The following CTNNA2 variants were observed in gnomAD, a reference collection of about 807,000 sequenced individuals.
The protein encoded by CTNNA2 is catenin alpha-2.
CTNNA2 carries 42 observed loss-of-function variants against 101.0 expected under a neutral mutation model. That is an observed-to-expected ratio of 0.42 (90% CI 0.32 to 0.54). CTNNA2 has a LOEUF of 0.54. Ranked by LOEUF, CTNNA2 falls within the 20% of genes least tolerant of loss-of-function variation. The pLI, the probability that CTNNA2 is intolerant of heterozygous loss-of-function variation, is 0.14. For synonymous variants in CTNNA2, 450 were observed against 456.4 expected, an observed-to-expected ratio of 0.99 and a Z score of 0.18; for missense variants, 871 against 1,223.1, an observed-to-expected ratio of 0.71 and a Z score of 4.29.
chr2:79,838,606 C>T (rs1012196103), intron 3 of CTNNA2, among the ~76,000 whole-genome samples: 1 of 152,034 alleles, frequency 6.6e-6, no homozygotes, highest in Non-Finnish European at 1.5e-5. Flanking sequence ...ACTAATTTGA[C>T]AGCTTTAACT....
intron 12 of CTNNA2, among the ~76,000 whole-genome samples, chr2:80,564,506 A>G (rs1010733912): frequency 1.7e-5 from 2 of 118,010 alleles, no homozygotes; most frequent in African/African-American, 7.4e-5. Flanking sequence ...TGGAATTTAG[A>G]GAGTTTTTTT....
chr2:79,670,369 C>A (rs1451959598), intron 2 of CTNNA2, among the ~76,000 whole-genome samples: 1 of 152,142 alleles, frequency 6.6e-6, no homozygotes, highest in Middle Eastern at 3.2e-3. Context: ...CTGGGTAGGG[C>A]TCCTGACTGC....
At chr2:80,097,712 T>C (rs979642819) in intron 7 of CTNNA2, among the ~76,000 whole-genome samples, 2 of 152,212 alleles carry the variant, frequency 1.3e-5, no homozygotes, top group African/African-American at 4.8e-5. Context: ...TTTCTTTTTA[T>C]TGTTTTTTCT....
intron 4 of CTNNA2, among the ~76,000 whole-genome samples, chr2:79,861,395 T>C (rs192045489): frequency 1.7e-4 from 26 of 152,336 alleles, no homozygotes; most frequent in African/African-American, 6.3e-4. Context: ...TGTTTTTTCA[T>C]CAGCAGTTCG....
At position 79,864,847 on chromosome 2, in the gene CTNNA2, T is replaced by G. The variant is rs376441881; in HGVS notation, c.466-4969T>G. ...TACTTGCTGTGAGACTTCTGACAGGTTATACAACTCCTCTCCTCCGATTTC... is the reference window on the plus strand; with the variant it reads ...TACTTGCTGTGAGACTTCTGACAGGGTATACAACTCCTCTCCTCCGATTTC... On this transcript the variant is annotated intron_variant, in intron 4 of 18. Coordinates refer to ENST00000402739, the MANE Select transcript of CTNNA2 (RefSeq NM_001282597.3). 1.5e-3 allele frequency among the ~76,000 whole-genome samples: 235 copies of G among 152,270 alleles called. 2 individuals carry two copies. The highest frequency in any genetic ancestry group is 5.3e-3 in the African/African-American group (220 of 41,548).
At chr2:80,410,622 T>G (rs1193953745) in intron 8 of CTNNA2, among the ~76,000 whole-genome samples, 1 of 152,208 alleles carries the variant, frequency 6.6e-6, no homozygotes, top group East Asian at 1.9e-4. Context: ...AACTATGCCT[T>G]TCAGCTTGTA....
intron 7 of CTNNA2, among the ~76,000 whole-genome samples, chr2:80,046,576 T>C (rs927822662): frequency 1.3e-5 from 2 of 152,106 alleles, no homozygotes; most frequent in Admixed American, 6.6e-5. Flanking sequence ...AATATCTTAA[T>C]TGGAAACCCA....
At chr2:79,926,746 T>A (rs554709532) in intron 7 of CTNNA2, among the ~76,000 whole-genome samples, 323 of 151,472 alleles carry the variant, frequency 2.1e-3, no homozygotes, top group African/African-American at 7.6e-3. Context: ...GGAAAAAAAA[T>A]TAAGAGTTTA....
intron 18 of CTNNA2, among the ~76,000 whole-genome samples, chr2:80,644,499 T>C (rs1274361615): frequency 4.6e-5 from 7 of 152,152 alleles, no homozygotes; most frequent in Admixed American, 4.6e-4. Flanking sequence ...GAAGTGAAGT[T>C]TTAGCCAACC....
At chr2:80,372,109 C>T (rs1490295433) in intron 7 of CTNNA2, among the ~76,000 whole-genome samples, 2 of 152,096 alleles carry the variant, frequency 1.3e-5, no homozygotes, top group African/African-American at 4.8e-5. Flanking sequence ...TCATCTCCCT[C>T]CCTATGAAAC....
intron 3 of CTNNA2, among the ~76,000 whole-genome samples, chr2:79,315,401 T>A (rs1015861854): frequency 2.0e-5 from 3 of 152,190 alleles, no homozygotes; most frequent in Non-Finnish European, 4.4e-5. Flanking sequence ...CAGTCAGTTA[T>A]TTCTCCTCAT....
chr2:80,397,582 G>A (rs1053033405), intron 8 of CTNNA2, among the ~76,000 whole-genome samples: 12 of 152,254 alleles, frequency 7.9e-5, no homozygotes, highest in African/African-American at 2.4e-4. Context: ...CCCTGCACAC[G>A]CTCTCTTGCC....
intron 7 of CTNNA2, among the ~76,000 whole-genome samples, chr2:79,946,850 G>C (rs958438558): frequency 1.3e-5 from 2 of 152,158 alleles, no homozygotes; most frequent in African/African-American, 4.8e-5. Flanking sequence ...CAAAGCTTCT[G>C]TTGTTCTGCA....
chr2:79,626,557 G>A (rs2104324292), intron 1 of CTNNA2, among the ~76,000 whole-genome samples: 1 of 151,902 alleles, frequency 6.6e-6, no homozygotes, highest in South Asian at 2.1e-4. Context: ...AAACACACTA[G>A]GAATGGCAAG....
chr2:80,247,349 C>T (rs1167593390), intron 7 of CTNNA2, among the ~76,000 whole-genome samples: 2 of 152,148 alleles, frequency 1.3e-5, no homozygotes, highest in African/African-American at 2.4e-5. Context: ...TTAAACCTCT[C>T]TTTCCTGGCC....
At chr2:80,097,166 A>G (rs112083965) in intron 7 of CTNNA2, among the ~76,000 whole-genome samples, 31 of 152,158 alleles carry the variant, frequency 2.0e-4, no homozygotes, top group African/African-American at 5.5e-4. Flanking sequence ...TTCCATGTTT[A>G]GTGCTTCCTT....
At chr2:79,682,771 G>A (rs904078662) in intron 2 of CTNNA2, among the ~76,000 whole-genome samples, 1 of 152,060 alleles carries the variant, frequency 6.6e-6, no homozygotes, top group Non-Finnish European at 1.5e-5. Context: ...ATACATATAT[G>A]TGCTTTGTGA....
upstream of CTNNA2, among the ~76,000 whole-genome samples, chr2:79,512,680 G>A (rs1480361001): frequency 6.6e-6 from 1 of 151,674 alleles, no homozygotes; most frequent in East Asian, 2.0e-4. Flanking sequence ...TCATGGACAC[G>A]GCACCTGCGC....
At position 80,141,958 on chromosome 2, in the gene CTNNA2, G is replaced by A. The variant is rs574740531; in HGVS notation, c.1056+232161G>A. 4.6e-4 allele frequency among the ~76,000 whole-genome samples: 69 copies of A among 151,232 alleles called. 1 individual carries two copies. The South Asian group carries it at 0.014, about 31-fold the overall frequency. On this transcript the variant is annotated intron_variant, in intron 7 of 18. Transcript: ENST00000402739. The stretch of plus-strand genomic sequence containing the variant: ...ATCCAGATCCCCACCAAATGGATCC[G>A]CTGGCACATAGACCTCAGATAAAGA...
Sources: gnomAD v4.1 joint callset for allele counts (sites outside exome capture counted in the v4.1 genomes callset) on GRCh38, gnomAD v4.1.1 for gene constraint, MANE v1.5 for transcripts, NCBI Gene and HGNC (gene_info 2026-07-23, HGNC 2026-07-21) for gene names.